Variants in KLF12 observed in about 807,000 individuals in gnomAD.
KLF12 encodes the protein Krueppel-like factor 12.
KLF12 carries 9 observed loss-of-function variants against 37.8 expected under a neutral mutation model. The observed-to-expected ratio is 0.24, with a 90% CI of 0.14 to 0.42. The LOEUF (loss-of-function observed/expected upper bound fraction) is 0.42, where lower values mean the gene tolerates loss of function less well. Among genes scored for constraint, KLF12 ranks in the 10% least tolerant of loss-of-function variants. The pLI, the probability that KLF12 is intolerant of heterozygous loss-of-function variation, is 1.00. For missense variants in KLF12, 411 were observed against 516.0 expected, an observed-to-expected ratio of 0.80 and a Z score of 1.97; for synonymous variants, 208 against 202.1, an observed-to-expected ratio of 1.03 and a Z score of -0.25.
At chr13:73,894,180 G>C (rs1216917802) in intron 3 of KLF12, among the ~76,000 whole-genome samples, 3 of 152,212 alleles carry the variant, frequency 2.0e-5, no homozygotes, top group Non-Finnish European at 2.9e-5. Context: ...ATAGTTTGCA[G>C]AGGGGCAGGA....
At chr13:73,964,255 TAA>T (rs1192110001) in intron 2 of KLF12, among the ~76,000 whole-genome samples, 2 of 152,086 alleles carry the variant, frequency 1.3e-5, no homozygotes, top group East Asian at 3.9e-4. Flanking sequence ...TGCAGAGACA[TAA>T]AGAGTCCACA....
chr13:73,725,312 G>A (rs1348325363), intron 6 of KLF12, among the ~76,000 whole-genome samples: 1 of 152,132 alleles, frequency 6.6e-6, no homozygotes, highest in Non-Finnish European at 1.5e-5. Context: ...ATGTTCGCCA[G>A]CATGGTCTTG....
intron 3 of KLF12, among the ~76,000 whole-genome samples, chr13:73,898,915 G>A (rs1887911417): frequency 6.6e-6 from 1 of 152,202 alleles, no homozygotes; most frequent in African/African-American, 2.4e-5. Flanking sequence ...GAGTCCCATG[G>A]ATTAAGGGAC....
chr13:74,143,961 A>G, the KLF12 span, among the ~76,000 whole-genome samples: 5 of 152,184 alleles, frequency 3.3e-5, no homozygotes, highest in African/African-American at 1.2e-4. Flanking sequence ...TGGTTTACTG[A>G]GACCATAATC....
chr13:73,959,793 T>C (rs975628857), intron 2 of KLF12, among the ~76,000 whole-genome samples: 1 of 152,104 alleles, frequency 6.6e-6, no homozygotes, highest in African/African-American at 2.4e-5. Flanking sequence ...ACAAAGATAT[T>C]GCTTCTAGAT....
intron 5 of KLF12, among the ~76,000 whole-genome samples, chr13:73,811,263 C>T (rs926415998): frequency 4.6e-5 from 7 of 151,704 alleles, no homozygotes; most frequent in African/African-American, 7.3e-5. Context: ...GGATTACAGG[C>T]GTGCAAACAA....
chr13:73,860,867 T>C (rs188688162), intron 3 of KLF12, among the ~76,000 whole-genome samples: 98 of 152,348 alleles, frequency 6.4e-4, no homozygotes, highest in African/African-American at 2.2e-3. Flanking sequence ...AATTTATCAA[T>C]TGATATTTAA....
At chr13:73,833,359 T>C (rs1211718787) in intron 4 of KLF12, among the ~76,000 whole-genome samples, 1 of 152,174 alleles carries the variant, frequency 6.6e-6, no homozygotes, top group Admixed American at 6.5e-5. Flanking sequence ...ACATCAAGTA[T>C]CTATAAGGTA....
chr13:73,925,524 T>C (rs946004849), intron 3 of KLF12, among the ~76,000 whole-genome samples: 1 of 152,230 alleles, frequency 6.6e-6, no homozygotes, highest in African/African-American at 2.4e-5. Flanking sequence ...ACAATGTACC[T>C]AGTCACCCAA....
chr13:73,758,386 A>T (rs1879325557), intron 6 of KLF12, among the ~76,000 whole-genome samples: 1 of 152,184 alleles, frequency 6.6e-6, no homozygotes, highest in Non-Finnish European at 1.5e-5. Context: ...TAAGAACAAA[A>T]ATAGACAACA....
the KLF12 span, among the ~76,000 whole-genome samples, chr13:74,191,061 T>C: frequency 6.6e-6 from 1 of 152,144 alleles, no homozygotes; most frequent in East Asian, 1.9e-4. Context: ...AAGCTAGGAG[T>C]ATCTTAATGT....
chr13:74,202,337 G>A, the KLF12 span, among the ~76,000 whole-genome samples: 31 of 152,008 alleles, frequency 2.0e-4, no homozygotes. Flanking sequence ...CTTTATCTTG[G>A]CTGCACATGG....
chr13:73,970,530 G>A (rs148603833), intron 2 of KLF12, among the ~76,000 whole-genome samples: 53 of 152,228 alleles, frequency 3.5e-4, no homozygotes, highest in African/African-American at 1.3e-3. Flanking sequence ...AGCCATTTTG[G>A]GCAGGCTGAA....
At chr13:74,201,548 C>G in the KLF12 span, among the ~76,000 whole-genome samples, 2 of 152,138 alleles carry the variant, frequency 1.3e-5, no homozygotes, top group African/African-American at 4.8e-5. Flanking sequence ...CCTATAAGTT[C>G]TTTTTGATAT....
At chr13:73,845,661 C>G (rs1237325378) in intron 4 of KLF12, among the ~76,000 whole-genome samples, 166 bp downstream of exon 4, 2 of 152,124 alleles carry the variant, frequency 1.3e-5, no homozygotes, top group African/African-American at 2.4e-5. Flanking sequence ...AGGGTGAGTT[C>G]CCTCTAAACT....
At chr13:73,899,280 C>T (rs913384737) in intron 3 of KLF12, among the ~76,000 whole-genome samples, 43 of 152,290 alleles carry the variant, frequency 2.8e-4, no homozygotes, top group South Asian at 4.1e-4. Flanking sequence ...GAGACCAAGC[C>T]GGACCAGACT....
intron 1 of KLF12, among the ~76,000 whole-genome samples, chr13:74,104,287 G>C (rs1020482588): frequency 5.3e-5 from 8 of 152,208 alleles, no homozygotes; most frequent in Non-Finnish European, 1.2e-4. Flanking sequence ...TTAAACTCAT[G>C]CACTGTGTTA....
At chr13:74,145,957 C>A in the KLF12 span, among the ~76,000 whole-genome samples, 2 of 152,116 alleles carry the variant, frequency 1.3e-5, no homozygotes, top group Non-Finnish European at 2.9e-5. Context: ...AAATTTAATT[C>A]TTTGAAATTT....
chr13:74,165,667 C>T, the KLF12 span, among the ~76,000 whole-genome samples: 1 of 152,162 alleles, frequency 6.6e-6, no homozygotes, highest in Non-Finnish European at 1.5e-5. Flanking sequence ...TTTAAATCTT[C>T]ACATCAACAT....
Sources: allele counts gnomAD v4.1 joint callset (sites outside exome capture counted in the v4.1 genomes callset), GRCh38; gene constraint gnomAD v4.1.1; transcripts MANE v1.5; gene names NCBI Gene and HGNC (gene_info 2026-07-23, HGNC 2026-07-21).